TBC1D21: variants seen among roughly 807,000 people sequenced by gnomAD.
TBC1D21 encodes the protein male germ cell Rab GTPase-activating protein.
TBC1D21 carries 38 observed loss-of-function variants against 46.0 expected under a neutral mutation model. That is an observed-to-expected ratio of 0.83 (90% CI 0.64 to 1.08). The LOEUF (loss-of-function observed/expected upper bound fraction) is 1.08. Ranked by LOEUF, TBC1D21 falls within the 50% of genes least tolerant of loss-of-function variation. The probability of loss-of-function intolerance (pLI) is 0.00; values close to 1 mark genes in which losing one functional copy is unlikely to be tolerated. For synonymous variants in TBC1D21, 151 were observed against 157.2 expected (o/e 0.96, Z 0.29); for missense variants, 415 against 417.9 (o/e 0.99, Z 0.06).
Position 73,888,419 on chromosome 15 carries a change from C to G in TBC1D21, c.895-11C>G, listed in dbSNP as rs1031181026. 5 of 1,612,736 alleles carry G rather than the reference C, an allele frequency of 3.1e-6. No homozygotes were observed. The highest frequency in any genetic ancestry group is 4.2e-6 in the Non-Finnish European group (5 of 1,179,336). ...AGCCCCACCCACAACTGCTCCCACA[C>G]TCCCATGCAGGCCTGCAACAACCTC... is the stretch of plus-strand genomic sequence containing the variant. On this transcript the variant is annotated splice_polypyrimidine_tract_variant and intron_variant, in intron 9 of 10. Transcript: ENST00000300504.
the TBC1D21 span, among the ~76,000 whole-genome samples, chr15:73,898,880 A>AAAAAATATATATATAT: frequency 2.8e-4 from 16 of 56,796 alleles, no homozygotes; most frequent in African/African-American, 3.2e-4. Context: ...AAAAAAAAAA[A>AAAAAATATATATATAT]ATATATATAT....
Position 73,881,554 on chromosome 15 carries a change from G to A in TBC1D21, c.168+48G>A, listed in dbSNP as rs774968522. On this transcript the variant is annotated intron_variant, in intron 2 of 10. Transcript: ENST00000300504. ...GCCTTGCCCTGGAACTGGGAGCATG[G>A]ATGGGCAGGGGGCAGGTGTGGCGTT... The A allele has an allele frequency of 3.1e-6, 5 of 1,603,926 alleles. No homozygotes were observed. In the South Asian group the frequency reaches 5.5e-5, roughly 18 times the overall value.
At chr15:73,897,362 C>T in the TBC1D21 span, among the ~76,000 whole-genome samples, 1 of 152,188 alleles carries the variant, frequency 6.6e-6, no homozygotes. Flanking sequence ...GCATTTAGCC[C>T]AGCAAACTTC....
At chr15:73,888,645 TTCCTCCTCCTCTTCTTCC>T in intron 10 of TBC1D21, 132 bp downstream of exon 10, 1 of 602,828 alleles carries the variant, frequency 1.7e-6, no homozygotes, top group East Asian at 3.2e-5. Context: ...CCTCTTCTTC[TTCCTCCTCCTCTTCTTCC>T]TCCTCCTCTT....
chr15:73,882,407 G>C lies in TBC1D21; in HGVS notation c.272+660G>C, dbSNP rs184660061. ...TCCTGCCCCAGCACAGACCACGTTT[G>C]CACTCCCCTCTGTCCTTGGTTCACC... On this transcript the variant is annotated intron_variant, in intron 3 of 10. Transcript: ENST00000300504. Among the ~76,000 whole-genome samples the C allele has an allele frequency of 1.3e-3, 195 of 152,190 alleles. 1 individual carries two copies. The highest frequency in any genetic ancestry group is 4.5e-3 in the African/African-American group (186 of 41,504).
At chr15:73,891,568 G>C (rs1038826552), downstream of TBC1D21, among the ~76,000 whole-genome samples, 2 of 152,210 alleles carry the variant, frequency 1.3e-5, no homozygotes, top group Non-Finnish European at 2.9e-5. Context: ...TGCCATGGCT[G>C]TGGACCCAGG....
intron 9 of TBC1D21, 90 bp from the exon 10 acceptor site, chr15:73,888,340 C>A: frequency 9.1e-7 from 1 of 1,095,546 alleles, no homozygotes; most frequent in Non-Finnish European, 1.4e-6. Context: ...TCCTTCTTCC[C>A]TGGGTGCTGC....
chr15:73,894,177 T>A (rs915626600), downstream of TBC1D21, among the ~76,000 whole-genome samples: 4 of 152,222 alleles, frequency 2.6e-5, no homozygotes, highest in Non-Finnish European at 4.4e-5. Flanking sequence ...TGCCATGGTA[T>A]TGGCTCTTGG....
At chr15:73,881,545 G>C (rs1269241865) in intron 2 of TBC1D21, 39 bp downstream of exon 2, 1 of 1,607,256 alleles carries the variant, frequency 6.2e-7, no homozygotes, top group Non-Finnish European at 8.5e-7. Context: ...CCCTGGAACT[G>C]GGAGCATGGA....
chr15:73,900,041 T>G, the TBC1D21 span, among the ~76,000 whole-genome samples: 7 of 152,276 alleles, frequency 4.6e-5, no homozygotes, highest in South Asian at 8.3e-4. Context: ...CAGAGGGACT[T>G]GCAGAATCAG....
the TBC1D21 span, among the ~76,000 whole-genome samples, chr15:73,897,382 A>G: frequency 6.6e-6 from 1 of 152,264 alleles, no homozygotes; most frequent in Non-Finnish European, 1.5e-5. Context: ...CGACTCAAAG[A>G]AATGGTAGCT....
At chr15:73,885,672 C>T (rs1017524067) in intron 6 of TBC1D21, among the ~76,000 whole-genome samples, 3 of 151,996 alleles carry the variant, frequency 2.0e-5, no homozygotes, top group Non-Finnish European at 4.4e-5. Context: ...TCCCTCCCTC[C>T]ACCCCACCAT....
At chr15:73,903,247 C>T in the TBC1D21 span, among the ~76,000 whole-genome samples, 1 of 152,248 alleles carries the variant, frequency 6.6e-6, no homozygotes. Flanking sequence ...GGCACCCATG[C>T]CTCCGGCTTC....
At chr15:73,901,015 G>A in the TBC1D21 span, among the ~76,000 whole-genome samples, 3 of 152,202 alleles carry the variant, frequency 2.0e-5, no homozygotes, top group Non-Finnish European at 4.4e-5. Flanking sequence ...TGGATGCATT[G>A]CAGAATTCCT....
At chr15:73,896,586 G>A in the TBC1D21 span, among the ~76,000 whole-genome samples, 1 of 152,104 alleles carries the variant, frequency 6.6e-6, no homozygotes, top group Non-Finnish European at 1.5e-5. Flanking sequence ...TAGAGAACGT[G>A]GCGGAACAAA....
the TBC1D21 span, among the ~76,000 whole-genome samples, chr15:73,896,238 G>A: frequency 6.6e-6 from 1 of 152,112 alleles, no homozygotes. Flanking sequence ...TTCTGCAGAT[G>A]AAGTGGAGAT....
chr15:73,884,043 G>A (rs2068199543), intron 3 of TBC1D21, 108 bp from the exon 4 acceptor site: 2 of 869,866 alleles, frequency 2.3e-6, no homozygotes, highest in Non-Finnish European at 3.9e-6. Context: ...ATGGCTGGGT[G>A]AGGGTGCTGC....
chr15:73,908,047 T>C, the TBC1D21 span: 1 of 152,212 alleles, frequency 6.6e-6, no homozygotes, highest in Non-Finnish European at 1.5e-5. Context: ...CCCCAGAAAG[T>C]GGCTTTATTG....
chr15:73,901,426 C>T, the TBC1D21 span, among the ~76,000 whole-genome samples: 1 of 152,238 alleles, frequency 6.6e-6, no homozygotes, highest in African/African-American at 2.4e-5. Context: ...CCCCCAAGAG[C>T]ACTCCTCATG....
Sources: allele counts gnomAD v4.1 joint callset (sites outside exome capture counted in the v4.1 genomes callset), GRCh38; gene constraint gnomAD v4.1.1; transcripts MANE v1.5; gene names NCBI Gene and HGNC (gene_info 2026-07-23, HGNC 2026-07-21).